Variants in SDC4 observed in about 807,000 individuals in gnomAD.
The protein encoded by SDC4 is syndecan 4.
SDC4 carries 17 observed loss-of-function variants against 20.5 expected under a neutral mutation model. That is an observed-to-expected ratio of 0.83 (90% CI 0.57 to 1.25). The LOEUF (loss-of-function observed/expected upper bound fraction) is 1.25, where lower values mean the gene tolerates loss of function less well. SDC4 is among the 50% of genes most tolerant of loss of function. The probability of loss-of-function intolerance (pLI) is 0.00; values close to 1 mark genes in which losing one functional copy is unlikely to be tolerated. For missense variants in SDC4, 241 were observed against 252.3 expected, an observed-to-expected ratio of 0.96 and a Z score of 0.30; for synonymous variants, 107 against 105.3, an observed-to-expected ratio of 1.02 and a Z score of -0.10.
At position 45,335,738 on chromosome 20, in the gene SDC4, C is replaced by T. The variant is rs757011008; in HGVS notation, c.199+44G>A. Reference sequence around the variant, plus strand: ...CCTCCTGGCTGGTGAAGCCACCACTCCCTCCAGCTTTGTGCCTACGCCTGC... The same window carrying T: ...CCTCCTGGCTGGTGAAGCCACCACTTCCTCCAGCTTTGTGCCTACGCCTGC... On this transcript the variant is annotated intron_variant, in intron 2 of 4. Coordinates refer to ENST00000372733, the MANE Select transcript of SDC4 (RefSeq NM_002999.4). 6.9e-6 allele frequency: 11 copies of T among 1,592,704 alleles called. No individual in the cohort carries two copies. The African/African-American group carries it at 1.5e-4, about 21-fold the overall frequency.
At chr20:45,335,436 T>TC (rs941817265) in intron 2 of SDC4, among the ~76,000 whole-genome samples, 3 of 151,564 alleles carry the variant, frequency 2.0e-5, no homozygotes, top group Non-Finnish European at 4.4e-5. Context: ...CTATGGGTCC[T>TC]CCTTCCCCAC....
chr20:45,344,453 C>T (rs1424066863), intron 1 of SDC4, among the ~76,000 whole-genome samples: 1 of 152,200 alleles, frequency 6.6e-6, no homozygotes, highest in Non-Finnish European at 1.5e-5. Flanking sequence ...TCACAGCGCT[C>T]GGTCCAGCCC....
At chr20:45,333,093 G>A (rs773044510) in intron 2 of SDC4, 24 bp from the exon 3 acceptor site, 1 of 1,612,944 alleles carries the variant, frequency 6.2e-7, no homozygotes, top group African/African-American at 1.3e-5. Flanking sequence ...ATAGCTGTGT[G>A]AGTGAGGTCC....
At chr20:45,347,984 G>C (rs912745110) in intron 1 of SDC4, among the ~76,000 whole-genome samples, 6 of 152,046 alleles carry the variant, frequency 3.9e-5, no homozygotes, top group African/African-American at 1.4e-4. Context: ...GGGATTCAGC[G>C]CTCCAAGCCT....
intron 3 of SDC4, among the ~76,000 whole-genome samples, chr20:45,331,838 CT>C: frequency 6.6e-6 from 1 of 152,266 alleles, no homozygotes; most frequent in Middle Eastern, 3.4e-3. Context: ...TAATCTACCC[CT>C]TGCTTAACAT....
intron 1 of SDC4, among the ~76,000 whole-genome samples, chr20:45,347,687 C>T (rs1207833010): frequency 6.6e-6 from 1 of 152,176 alleles, no homozygotes; most frequent in African/African-American, 2.4e-5. Flanking sequence ...AGCAGAGTCC[C>T]CAACTTTCTA....
chr20:45,335,812 C>T lies in SDC4; in HGVS notation c.169G>A (p.Asp57Asn), dbSNP rs200459038. Reference protein sequence around the residue: ...DVVGPGQESDDFELSGSGDLD... With the variant: ...DVVGPGQESDNFELSGSGDLD... ...TCTCCAGAGCCAGACAGCTCAAAGT[C>T]ATCAGATTCCTGCCCGGGCCCCACT... is the stretch of plus-strand genomic sequence containing the variant. Residue 57 changes from aspartate (D) to asparagine (N), a missense_variant, in exon 2 of 5, where the codon GAC becomes AAC. Coordinates refer to ENST00000372733, the MANE Select transcript of SDC4 (RefSeq NM_002999.4). The T allele has an allele frequency of 7.3e-5, 118 of 1,614,006 alleles. No individual in the cohort carries two copies. The highest frequency in any genetic ancestry group is 9.7e-5 in the Non-Finnish European group (114 of 1,179,966).
At chr20:45,335,183 C>A (rs921440417) in intron 2 of SDC4, among the ~76,000 whole-genome samples, 2 of 135,716 alleles carry the variant, frequency 1.5e-5, no homozygotes, top group African/African-American at 5.4e-5. Flanking sequence ...TGCTACTTTT[C>A]CTTTTTTGTT....
chr20:45,337,957 G>A (rs1220665180), intron 1 of SDC4, among the ~76,000 whole-genome samples: 4 of 152,208 alleles, frequency 2.6e-5, no homozygotes, highest in Non-Finnish European at 5.9e-5. Context: ...GGCTGCTGGT[G>A]CTGGAATTCA....
chr20:45,336,594 C>A (rs751417843), intron 1 of SDC4, among the ~76,000 whole-genome samples: 28 of 151,996 alleles, frequency 1.8e-4, no homozygotes, highest in Non-Finnish European at 4.0e-4. Context: ...GATGGAAGAG[C>A]GAGGATTGCA....
intron 1 of SDC4, among the ~76,000 whole-genome samples, chr20:45,342,589 CAG>C (rs1987969775): frequency 6.6e-6 from 1 of 151,484 alleles, no homozygotes; most frequent in Non-Finnish European, 1.5e-5. Context: ...GCCTGGAGGA[CAG>C]GGGGAGGGGT....
intron 4 of SDC4, among the ~76,000 whole-genome samples, chr20:45,328,320 C>T (rs191590983): frequency 1.2e-4 from 18 of 152,272 alleles, no homozygotes; most frequent in East Asian, 9.6e-4. Context: ...ATCTCCCTAC[C>T]GCAAAATGGG....
intron 1 of SDC4, among the ~76,000 whole-genome samples, chr20:45,340,752 T>A (rs905177823): frequency 1.3e-4 from 20 of 152,178 alleles, no homozygotes; most frequent in Admixed American, 5.9e-4. Context: ...GGGTAATAAC[T>A]GGGCAAGCCA....
chr20:45,347,290 C>T (rs576308051), intron 1 of SDC4, among the ~76,000 whole-genome samples: 74 of 152,292 alleles, frequency 4.9e-4, no homozygotes, highest in Admixed American at 1.8e-3. Context: ...AGGACTCACT[C>T]GCTCTGAAAA....
At chr20:45,336,101 C>A (rs1479863876) in intron 1 of SDC4, among the ~76,000 whole-genome samples, 181 bp from the exon 2 acceptor site, 1 of 152,132 alleles carries the variant, frequency 6.6e-6, no homozygotes, top group Non-Finnish European at 1.5e-5. Context: ...AAGTCTCTTT[C>A]CATTCTGGGC....
rs1325115633 is a variant in SDC4, at chr20:45,326,233, A to G, written c.*1031T>C. On this transcript the variant is annotated 3_prime_UTR_variant, in exon 5 of 5. Coordinates refer to ENST00000372733, the MANE Select transcript of SDC4 (RefSeq NM_002999.4). Reference sequence around the variant, plus strand: ...TAAAAAAAAACTATGTTTCGGCAAAAGCTATTTTATAAGAGGAAGCAGCTT... The same window carrying G: ...TAAAAAAAAACTATGTTTCGGCAAAGGCTATTTTATAAGAGGAAGCAGCTT... 1.4e-5 allele frequency: 2 copies of G among 147,808 alleles called. No homozygotes were observed. The highest frequency in any genetic ancestry group is 1.4e-4 in the Admixed American group (2 of 14,624). 9.2% of individuals were successfully genotyped at this position (147,808 alleles called of 1,614,324 possible).
chr20:45,327,276 C>T lies in SDC4; in HGVS notation c.585G>A (p.Glu195=), dbSNP rs765058293. 14 of 1,614,216 alleles carry T rather than the reference C, an allele frequency of 8.7e-6. No individual in the cohort carries two copies. The highest frequency in any genetic ancestry group is 6.6e-5 in the South Asian group (6 of 91,088). ...CCACAAGCAAGCTTCACGCGTAGAA[C>T]TCATTGGTGGGGGCTTTCTTGTAGA... The part of the protein sequence containing the change: ...KPIYKKAPTN[E]FYA Residue 195 remains glutamate, a synonymous_variant, in exon 5 of 5, where the codon GAG becomes GAA. Transcript: ENST00000372733.
intron 1 of SDC4, among the ~76,000 whole-genome samples, chr20:45,339,614 C>T (rs1297505332): frequency 6.6e-6 from 1 of 152,206 alleles, no homozygotes; most frequent in Non-Finnish European, 1.5e-5. Flanking sequence ...GTTGTGCACG[C>T]CTGTGGTCCC....
chr20:45,335,675 A>G lies in SDC4; in HGVS notation c.199+107T>C, dbSNP rs1987851283. 3.5e-5 allele frequency: 42 copies of G among 1,213,716 alleles called. No homozygotes were observed. In the South Asian group the frequency reaches 5.6e-4, roughly 16 times the overall value. The allele number at this position is 1,213,716 out of a possible 1,614,324, so 75.2% of individuals were successfully genotyped here. ...GAGAAGGAAGAAGGGCACTCTAGGA[A>G]AAGTCCCACAAAAATCCAAGTCTCA... On this transcript the variant is annotated intron_variant, in intron 2 of 4. Coordinates refer to ENST00000372733, the MANE Select transcript of SDC4 (RefSeq NM_002999.4).
Sources: allele counts gnomAD v4.1 joint callset (sites outside exome capture counted in the v4.1 genomes callset), GRCh38; gene constraint gnomAD v4.1.1; transcripts MANE v1.5; gene names NCBI Gene and HGNC (gene_info 2026-07-23, HGNC 2026-07-21).